TENM3: variants seen among roughly 807,000 people sequenced by gnomAD.
TENM3 encodes the protein teneurin-3.
In TENM3, 63 loss-of-function variants were observed where a neutral mutation model predicts 255.1. That is an observed-to-expected ratio of 0.25 (90% CI 0.20 to 0.30). TENM3 has a LOEUF of 0.30. Among genes scored for constraint, TENM3 ranks in the 10% least tolerant of loss-of-function variants. TENM3 has a pLI of 1.00. For missense variants in TENM3, 2,929 were observed against 3,461.1 expected (o/e 0.85, Z 3.86); for synonymous variants, 1,306 against 1,322.3 (o/e 0.99, Z 0.27).
chr4:181,479,878 G>T, the TENM3 span, among the ~76,000 whole-genome samples: 1 of 152,052 alleles, frequency 6.6e-6, no homozygotes, highest in East Asian at 1.9e-4. Flanking sequence ...AGGCTTAATG[G>T]GTGAGAGAAT....
At chr4:182,121,440 A>T in the TENM3 span, among the ~76,000 whole-genome samples, 1 of 152,310 alleles carries the variant, frequency 6.6e-6, no homozygotes, top group East Asian at 1.9e-4. Flanking sequence ...GATAATACCT[A>T]TGGAAGTGGT....
chr4:181,447,684 C>T, the TENM3 span, among the ~76,000 whole-genome samples: 1 of 152,088 alleles, frequency 6.6e-6, no homozygotes, highest in Non-Finnish European at 1.5e-5. Flanking sequence ...GCAGAGCCAG[C>T]CAGAAGGCCT....
the TENM3 span, among the ~76,000 whole-genome samples, chr4:181,604,660 TCTG>T: frequency 8.5e-5 from 13 of 152,318 alleles, no homozygotes; most frequent in East Asian, 2.5e-3. Context: ...CAGCTGACAT[TCTG>T]CTGTAAGAGT....
the TENM3 span, among the ~76,000 whole-genome samples, chr4:181,506,804 C>A: frequency 2.0e-5 from 3 of 151,754 alleles, no homozygotes; most frequent in Admixed American, 6.6e-5. Context: ...AGAAGTTACT[C>A]TTTCTGAGAA....
the TENM3 span, among the ~76,000 whole-genome samples, chr4:181,917,527 AAG>A: frequency 6.6e-6 from 1 of 152,182 alleles, no homozygotes; most frequent in South Asian, 2.1e-4. Context: ...CAGAAGCAGG[AAG>A]AAAGCTCCTG....
intron 3 of TENM3, among the ~76,000 whole-genome samples, chr4:182,416,886 C>G (rs1457001643): frequency 6.6e-6 from 1 of 152,194 alleles, no homozygotes; most frequent in Non-Finnish European, 1.5e-5. Context: ...CTGCCTCACA[C>G]TGGGTTTTGA....
At chr4:182,473,652 G>A (rs1026037332) in intron 3 of TENM3, among the ~76,000 whole-genome samples, 6 of 151,146 alleles carry the variant, frequency 4.0e-5, no homozygotes, top group East Asian at 2.0e-4. Context: ...CAGCCTGGGC[G>A]ACAGAGCGAG....
the TENM3 span, among the ~76,000 whole-genome samples, chr4:181,696,085 T>A: frequency 6.6e-6 from 1 of 152,176 alleles, no homozygotes; most frequent in Non-Finnish European, 1.5e-5. Context: ...TTTCAAAGAC[T>A]ATTCTTTGGG....
chr4:182,347,658 G>A (rs541939794), intron 3 of TENM3, among the ~76,000 whole-genome samples: 3 of 152,152 alleles, frequency 2.0e-5, no homozygotes, highest in Admixed American at 6.5e-5. Context: ...TTGCCAATGC[G>A]GGATGATTTT....
chr4:182,083,939 G>A, the TENM3 span, among the ~76,000 whole-genome samples: 1 of 151,898 alleles, frequency 6.6e-6, no homozygotes, highest in East Asian at 1.9e-4. Flanking sequence ...CAAAGCAGCT[G>A]TGAAGCTTTC....
At chr4:182,438,151 G>A (rs1561446790) in intron 3 of TENM3, among the ~76,000 whole-genome samples, 1 of 152,104 alleles carries the variant, frequency 6.6e-6, no homozygotes, top group African/African-American at 2.4e-5. Flanking sequence ...CCTGAACCCA[G>A]GTTTCCTGAT....
chr4:181,778,731 A>C, the TENM3 span, among the ~76,000 whole-genome samples: 1 of 152,270 alleles, frequency 6.6e-6, no homozygotes, highest in South Asian at 2.1e-4. Flanking sequence ...AAATATCTAA[A>C]AGAAATGCAG....
At chr4:182,045,070 G>A in the TENM3 span, among the ~76,000 whole-genome samples, 2 of 152,126 alleles carry the variant, frequency 1.3e-5, no homozygotes, top group South Asian at 2.1e-4. Context: ...TGGATGTTTC[G>A]GTGTTTTGCA....
chr4:182,600,376 A>G (rs1166307975), intron 3 of TENM3, among the ~76,000 whole-genome samples: 1 of 152,224 alleles, frequency 6.6e-6, no homozygotes. Context: ...TTAGTAGATC[A>G]TAGTGCAGAT....
chr4:182,778,400 TA>T (rs1453171120), intron 24 of TENM3, among the ~76,000 whole-genome samples: 1 of 152,208 alleles, frequency 6.6e-6, no homozygotes, highest in African/African-American at 2.4e-5. Flanking sequence ...TTTCTCACTT[TA>T]ATCTGAGCGG....
At chr4:182,333,491 A>G (rs1262182258) in intron 2 of TENM3, among the ~76,000 whole-genome samples, 2 of 152,212 alleles carry the variant, frequency 1.3e-5, no homozygotes, top group Admixed American at 1.3e-4. Flanking sequence ...CCATGATCTT[A>G]TCAATAGATG....
rs1579775617 is a variant in TENM3, at chr4:182,218,987, C to T, written c.-76+74233C>T. 1.3e-5 allele frequency among the ~76,000 whole-genome samples: 2 copies of T among 152,340 alleles called. 1 individual carries two copies. Among genetic ancestry groups the T allele is most frequent in the East Asian group, 3.9e-4 (2 of 5,174 alleles). On this transcript the variant is annotated intron_variant, in intron 1 of 2. Coordinates refer to the TENM3 transcript ENST00000512480. The stretch of plus-strand genomic sequence containing the variant: ...CGCCTGTAATCCCAGCACTGGGAGG[C>T]CGAGGCAGGCGGATCACCTGAGGTC...
At chr4:182,438,855 C>T (rs1772243172) in intron 3 of TENM3, among the ~76,000 whole-genome samples, 1 of 152,188 alleles carries the variant, frequency 6.6e-6, no homozygotes, top group African/African-American at 2.4e-5. Context: ...TCACATTGTA[C>T]AAAGCTTTTG....
At chr4:182,275,793 T>C (rs1361747901) in intron 1 of TENM3, among the ~76,000 whole-genome samples, 5 of 151,930 alleles carry the variant, frequency 3.3e-5, no homozygotes, top group Non-Finnish European at 7.4e-5. Flanking sequence ...AGAAATTAAC[T>C]GGGCATGGTG....
Sources: allele counts gnomAD v4.1 joint callset (sites outside exome capture counted in the v4.1 genomes callset), GRCh38; gene constraint gnomAD v4.1.1; transcripts MANE v1.5; gene names NCBI Gene and HGNC (gene_info 2026-07-23, HGNC 2026-07-21).